The following PRKCQ variants were observed in gnomAD, a reference collection of about 807,000 sequenced individuals.
PRKCQ encodes the protein protein kinase C theta, also known as protein kinase C theta type.
A neutral mutation model predicts 91.2 loss-of-function variants in PRKCQ; 41 were observed. The observed-to-expected ratio is 0.45, with a 90% CI of 0.35 to 0.58. The LOEUF (loss-of-function observed/expected upper bound fraction) is 0.58. Ranked by LOEUF, PRKCQ falls within the 20% of genes least tolerant of loss-of-function variation. The pLI is 0.00. For synonymous variants in PRKCQ, 307 were observed against 316.9 expected (o/e 0.97, Z 0.33); for missense variants, 673 against 896.5 (o/e 0.75, Z 3.18).
intron 15 of PRKCQ, among the ~76,000 whole-genome samples, chr10:6,449,934 C>T (rs1157008535): frequency 1.3e-5 from 2 of 152,138 alleles, no homozygotes; most frequent in Non-Finnish European, 2.9e-5. Flanking sequence ...CTGAAGGAAG[C>T]ACTAAACATG....
At chr10:6,563,084 C>T (rs1482429143) in intron 1 of PRKCQ, among the ~76,000 whole-genome samples, 3 of 152,106 alleles carry the variant, frequency 2.0e-5, no homozygotes, top group Non-Finnish European at 4.4e-5. Flanking sequence ...AAAACAATAG[C>T]CCCTGTCCCT....
At chr10:6,505,083 C>T (rs763480353) in intron 4 of PRKCQ, among the ~76,000 whole-genome samples, 4 of 151,948 alleles carry the variant, frequency 2.6e-5, no homozygotes, top group South Asian at 2.1e-4. Flanking sequence ...TTAGTAGAGA[C>T]GGGGTTCCAC....
At chr10:6,447,317 G>A (rs1834364053) in intron 15 of PRKCQ, among the ~76,000 whole-genome samples, 1 of 150,512 alleles carries the variant, frequency 6.6e-6, no homozygotes, top group African/African-American at 2.5e-5. Context: ...TGAGGCAGGA[G>A]AATTGCCTGA....
chr10:6,511,094 A>G lies in PRKCQ; in HGVS notation c.219T>C (p.Ile73=). The G allele has an allele frequency of 6.2e-7, 1 of 1,614,090 alleles. No homozygotes were observed. The highest frequency in any genetic ancestry group is 8.5e-7 in the Non-Finnish European group (1 of 1,179,998). Residue 73 remains isoleucine, a synonymous_variant, in exon 3 of 18, where the codon ATT becomes ATC. Coordinates refer to ENST00000263125, the MANE Select transcript of PRKCQ (RefSeq NM_006257.5). Reference sequence around the variant, plus strand: ...TGAGGTCCACGTTTTTGCCTTTCACAATGATCTGCATGACTCTTCCCTTGT... The same window carrying G: ...TGAGGTCCACGTTTTTGCCTTTCACGATGATCTGCATGACTCTTCCCTTGT... ...HINKGRVMQI[I]VKGKNVDLIS...
chr10:6,558,377 T>C (rs1840501185), intron 1 of PRKCQ, among the ~76,000 whole-genome samples: 1 of 152,196 alleles, frequency 6.6e-6, no homozygotes, highest in Admixed American at 6.5e-5. Context: ...CAGTACTATT[T>C]TGTTTTTTTT....
rs560013328 is a variant in PRKCQ at position 6,449,590 on chromosome 10, A to G, written c.1647+7084T>C. Among the ~76,000 whole-genome samples, 27 of 152,120 alleles carry G rather than the reference A, an allele frequency of 1.8e-4. No homozygotes were observed. In the East Asian group the frequency reaches 3.1e-3, roughly 18 times the overall value. On this transcript the variant is annotated intron_variant, in intron 15 of 17. Coordinates refer to ENST00000263125, the MANE Select transcript of PRKCQ (RefSeq NM_006257.5). Reference sequence around the variant, plus strand: ...TTCAGGAAATACAGAGAACGCCACAAAGATACTCCTCGAGAAGAGCGACTC... The same window carrying G: ...TTCAGGAAATACAGAGAACGCCACAGAGATACTCCTCGAGAAGAGCGACTC...
intron 1 of PRKCQ, among the ~76,000 whole-genome samples, chr10:6,543,079 G>A (rs537391710): frequency 1.1e-4 from 17 of 152,292 alleles, no homozygotes; most frequent in African/African-American, 3.8e-4. Context: ...CCCTGAGGGT[G>A]GGCCCTGCCC....
chr10:6,454,887 G>C (rs1834925995), intron 15 of PRKCQ, among the ~76,000 whole-genome samples: 1 of 152,286 alleles, frequency 6.6e-6, no homozygotes, highest in East Asian at 1.9e-4. Flanking sequence ...AAAGAAGGGA[G>C]TGAAGCTGCA....
intron 12 of PRKCQ, 127 bp downstream of exon 12, chr10:6,478,865 G>A: frequency 9.6e-7 from 1 of 1,044,750 alleles, no homozygotes; most frequent in East Asian, 2.4e-5. Context: ...TGGATGGATG[G>A]CAGGTACACC....
intron 1 of PRKCQ, among the ~76,000 whole-genome samples, chr10:6,557,364 C>T (rs1407779066): frequency 2.0e-5 from 3 of 152,178 alleles, no homozygotes; most frequent in Admixed American, 2.0e-4. Flanking sequence ...AGAGACCTTT[C>T]TCTATACCAA....
the PRKCQ span, among the ~76,000 whole-genome samples, chr10:6,403,753 T>G: frequency 6.6e-6 from 1 of 152,208 alleles, no homozygotes; most frequent in Admixed American, 6.5e-5. Flanking sequence ...AGGGTCTGCA[T>G]GATGCTAACT....
chr10:6,480,568 T>C (rs552869825), intron 11 of PRKCQ, among the ~76,000 whole-genome samples: 2 of 152,362 alleles, frequency 1.3e-5, no homozygotes, highest in South Asian at 2.1e-4. Context: ...GCTGTGGAAA[T>C]GTGGGCAGAT....
rs1201956281 is a variant in PRKCQ at position 6,576,709 on chromosome 10, A to G, written c.-10+3502T>C. Reference sequence around the variant, plus strand: ...TAGTTAAGAAGTTAAATTTTAAGTTATGTGTATTTTAACCACAATAAAAAA... The same window carrying G: ...TAGTTAAGAAGTTAAATTTTAAGTTGTGTGTATTTTAACCACAATAAAAAA... On this transcript the variant is annotated intron_variant, in intron 1 of 17. Coordinates refer to ENST00000263125, the MANE Select transcript of PRKCQ (RefSeq NM_006257.5). The surrounding 1 kb of genome is among the most constrained non-coding windows in gnomAD (Gnocchi z 4.2). Among the ~76,000 whole-genome samples, 1 of 152,242 alleles carries G rather than the reference A, an allele frequency of 6.6e-6. No individual in the cohort carries two copies. Among genetic ancestry groups the G allele is most frequent in the African/African-American group, 2.4e-5 (1 of 41,464 alleles).
intron 14 of PRKCQ, among the ~76,000 whole-genome samples, chr10:6,461,520 C>T (rs1002244078): frequency 6.6e-6 from 1 of 152,180 alleles, no homozygotes; most frequent in Non-Finnish European, 1.5e-5. Flanking sequence ...AAAGAGGCTG[C>T]TTAAGAATAC....
At chr10:6,478,405 T>C (rs141968041) in intron 12 of PRKCQ, among the ~76,000 whole-genome samples, 1,685 of 152,324 alleles carry the variant, frequency 0.011, 17 homozygotes, top group South Asian at 0.023. Context: ...GGATAATTTT[T>C]GTTTTTTTAA....
At position 6,450,129 on chromosome 10, in the gene PRKCQ, ACAGACTGG is replaced by A. The variant is rs1282898764; in HGVS notation, c.1647+6537_1647+6544del. Among the ~76,000 whole-genome samples the A allele has an allele frequency of 2.0e-5, 3 of 149,700 alleles. No homozygotes were observed. In the East Asian group the frequency reaches 5.8e-4, roughly 29 times the overall value. On this transcript the variant is annotated intron_variant, in intron 15 of 17. Coordinates refer to ENST00000263125, the MANE Select transcript of PRKCQ (RefSeq NM_006257.5). ...GGACTAAATGCTCCAATTAAAAGAC[ACAGACTGG>A]CAAATTGGATAAAGAGTCAAGACCC... is the stretch of plus-strand genomic sequence containing the variant.
chr10:6,554,433 T>C (rs2130941823), intron 1 of PRKCQ, among the ~76,000 whole-genome samples: 1 of 152,310 alleles, frequency 6.6e-6, no homozygotes, highest in East Asian at 1.9e-4. Flanking sequence ...GATTTGGCAA[T>C]ATTTAGAGGG....
intron 1 of PRKCQ, among the ~76,000 whole-genome samples, chr10:6,540,442 A>T (rs1480548990): frequency 6.6e-6 from 1 of 152,130 alleles, no homozygotes; most frequent in Non-Finnish European, 1.5e-5. Context: ...CTATGCCTAT[A>T]AATTTGACTA....
chr10:6,405,620 G>A, the PRKCQ span, among the ~76,000 whole-genome samples: 1 of 152,226 alleles, frequency 6.6e-6, no homozygotes, highest in Non-Finnish European at 1.5e-5. Context: ...GAATGGGAAG[G>A]TGGATATTTT....
Sources: gnomAD v4.1 joint callset for allele counts (sites outside exome capture counted in the v4.1 genomes callset) on GRCh38, gnomAD v4.1.1 for gene constraint, Gnocchi (gnomAD v3.1) non-coding constraint, MANE v1.5 for transcripts, NCBI Gene and HGNC (gene_info 2026-07-23, HGNC 2026-07-21) for gene names.